The following NAALADL2 variants were observed in gnomAD, a reference collection of about 807,000 sequenced individuals.
NAALADL2 encodes the protein inactive N-acetylated-alpha-linked acidic dipeptidase-like protein 2.
A neutral mutation model predicts 87.2 loss-of-function variants in NAALADL2; 76 were observed. The observed-to-expected ratio is 0.87, with a 90% confidence interval of 0.72 to 1.05. The LOEUF (loss-of-function observed/expected upper bound fraction) is 1.05. NAALADL2 is among the 50% of genes least tolerant of loss of function. The pLI is 0.00. For missense variants in NAALADL2, 1,089 were observed against 945.8 expected (o/e 1.15, Z -1.99); for synonymous variants, 354 against 331.0 (o/e 1.07, Z -0.75).
chr3:174,442,487 GATAAC>G (rs1714736226), intron 1 of NAALADL2, among the ~76,000 whole-genome samples: 1 of 152,014 alleles, frequency 6.6e-6, no homozygotes, highest in South Asian at 2.1e-4. Flanking sequence ...ATGCATTCCT[GATAAC>G]ATAAAAAGAG....
chr3:175,640,644 CT>C (rs1356728228), intron 11 of NAALADL2, among the ~76,000 whole-genome samples: 2 of 152,006 alleles, frequency 1.3e-5, no homozygotes, highest in South Asian at 4.1e-4. Context: ...TAGAAAAACT[CT>C]TTTTATTCAC....
Position 175,463,724 on chromosome 3 carries a change from G to GAGAGAGAGAGAGAGAGAC in NAALADL2, c.1327+243_1327+244insAGAGACAGAGAGAGAGAG, listed in dbSNP as rs145842620. ...GGGGAGAGAGAGAGAGAGAGAGAGA[G>GAGAGAGAGAGAGAGAGAC]AGAGAGAGAGAGGTGGGGATCTCTC... is the stretch of plus-strand genomic sequence containing the variant. On this transcript the variant is annotated intron_variant, in intron 7 of 13. Coordinates refer to ENST00000454872, the MANE Select transcript of NAALADL2 (RefSeq NM_207015.3). Among the ~76,000 whole-genome samples the GAGAGAGAGAGAGAGAGAC allele has an allele frequency of 4.8e-3, 706 of 148,194 alleles. 3 individuals carry two copies. The highest frequency in any genetic ancestry group is 7.2e-3 in the Non-Finnish European group (484 of 67,610).
chr3:175,227,149 G>A (rs1045865676), intron 2 of NAALADL2, among the ~76,000 whole-genome samples: 1 of 151,966 alleles, frequency 6.6e-6, no homozygotes, highest in African/African-American at 2.4e-5. Flanking sequence ...TTCTTTAGAT[G>A]TTTTTGTTCC....
intron 1 of NAALADL2, among the ~76,000 whole-genome samples, chr3:174,975,628 G>A (rs2861901): frequency 0.64 from 97,296 of 152,008 alleles, 32,769 homozygotes; most frequent in African/African-American, 0.87. Context: ...AAATTATTGT[G>A]TATAACAAAT....
chr3:175,760,749 G>C (rs1229570361), intron 13 of NAALADL2, among the ~76,000 whole-genome samples: 1 of 152,142 alleles, frequency 6.6e-6, no homozygotes. Flanking sequence ...CTGGGCATCT[G>C]TGTTTTGCCA....
At chr3:174,864,733 A>G (rs567166622) in intron 1 of NAALADL2, among the ~76,000 whole-genome samples, 10 of 152,208 alleles carry the variant, frequency 6.6e-5, no homozygotes, top group South Asian at 4.1e-4. Flanking sequence ...TTTGTATGCT[A>G]TTCTCTGGAT....
At chr3:175,500,626 C>T (rs1729409389) in intron 9 of NAALADL2, among the ~76,000 whole-genome samples, 1 of 152,006 alleles carries the variant, frequency 6.6e-6, no homozygotes, top group Admixed American at 6.6e-5. Context: ...TAACAATTAT[C>T]CTGTGTCAGG....
chr3:175,648,598 A>G (rs1730339169), intron 11 of NAALADL2, among the ~76,000 whole-genome samples: 1 of 151,296 alleles, frequency 6.6e-6, no homozygotes, highest in South Asian at 2.1e-4. Flanking sequence ...AGACTTTTAT[A>G]CTTGGCTAGC....
intron 2 of NAALADL2, among the ~76,000 whole-genome samples, chr3:175,174,813 T>C (rs1334672098): frequency 7.4e-6 from 1 of 134,686 alleles, no homozygotes; most frequent in Non-Finnish European, 1.6e-5. Context: ...GTGTGTGCGC[T>C]ATATATGTAT....
At chr3:174,568,972 T>C (rs1284900536) in intron 2 of NAALADL2, among the ~76,000 whole-genome samples, 4 of 151,652 alleles carry the variant, frequency 2.6e-5, no homozygotes, top group South Asian at 2.1e-4. Flanking sequence ...ATTTTACCCA[T>C]ATAAAAGCTA....
intron 11 of NAALADL2, among the ~76,000 whole-genome samples, chr3:175,697,918 TATG>T (rs1738151181): frequency 2.5e-5 from 1 of 39,558 alleles, no homozygotes; most frequent in Non-Finnish European, 4.1e-5. Flanking sequence ...TATGTGTATA[TATG>T]TATGTATACA....
At chr3:174,830,989 A>G (rs1302008531) in intron 3 of NAALADL2, among the ~76,000 whole-genome samples, 1 of 150,896 alleles carries the variant, frequency 6.6e-6, no homozygotes, top group Non-Finnish European at 1.5e-5. Context: ...GTTGCTTATC[A>G]GCTTAAGGAG....
chr3:175,785,835 G>A (rs1320081470), intron 13 of NAALADL2, among the ~76,000 whole-genome samples: 1 of 150,626 alleles, frequency 6.6e-6, no homozygotes, highest in African/African-American at 2.5e-5. Context: ...TTTTGCAGTG[G>A]CTGGTACCGG....
intron 2 of NAALADL2, among the ~76,000 whole-genome samples, chr3:174,669,616 C>T (rs1302082755): frequency 6.6e-6 from 1 of 152,006 alleles, no homozygotes; most frequent in Non-Finnish European, 1.5e-5. Flanking sequence ...GTCTTTATGC[C>T]AGTACCACAT....
At chr3:175,426,179 C>T (rs953246464) in intron 5 of NAALADL2, among the ~76,000 whole-genome samples, 10 of 152,024 alleles carry the variant, frequency 6.6e-5, no homozygotes, top group African/African-American at 1.9e-4. Flanking sequence ...GTCTGGCCAG[C>T]GTATTGAAAC....
chr3:175,146,746 C>A (rs1224901962), intron 2 of NAALADL2, among the ~76,000 whole-genome samples: 3 of 151,952 alleles, frequency 2.0e-5, no homozygotes, highest in Non-Finnish European at 2.9e-5. Context: ...ATAGGAAAAC[C>A]AATTACTTGA....
intron 5 of NAALADL2, among the ~76,000 whole-genome samples, chr3:175,425,787 T>C (rs1716677216): frequency 6.6e-6 from 1 of 152,164 alleles, no homozygotes; most frequent in Admixed American, 6.6e-5. Flanking sequence ...CCTAGGATCA[T>C]CTGTGTTGTG....
At chr3:175,395,136 G>C (rs966870223) in intron 5 of NAALADL2, among the ~76,000 whole-genome samples, 5 of 151,988 alleles carry the variant, frequency 3.3e-5, no homozygotes, top group Non-Finnish European at 7.4e-5. Context: ...TGACTAATGG[G>C]CAGGTCCATA....
At chr3:175,639,112 T>C (rs910670018) in intron 11 of NAALADL2, among the ~76,000 whole-genome samples, 1 of 152,072 alleles carries the variant, frequency 6.6e-6, no homozygotes, top group African/African-American at 2.4e-5. Context: ...AGGTGCTTTG[T>C]CCCCTTTTCA....
Sources: allele counts gnomAD v4.1 joint callset (sites outside exome capture counted in the v4.1 genomes callset), GRCh38; gene constraint gnomAD v4.1.1; transcripts MANE v1.5; gene names NCBI Gene and HGNC (gene_info 2026-07-23, HGNC 2026-07-21).